KCNQ1: variants seen among roughly 807,000 people sequenced by gnomAD.
KCNQ1 encodes the protein potassium voltage-gated channel subfamily Q member 1.
In KCNQ1, 49 loss-of-function variants were observed where a neutral mutation model predicts 72.4. The observed-to-expected ratio is 0.68, with a 90% CI of 0.54 to 0.86. The LOEUF (loss-of-function observed/expected upper bound fraction) is 0.86. Among genes scored for constraint, KCNQ1 ranks in the 40% least tolerant of loss-of-function variants. The probability of loss-of-function intolerance (pLI) is 0.00; values close to 1 mark genes in which losing one functional copy is unlikely to be tolerated. For missense variants in KCNQ1, 790 were observed against 945.1 expected (o/e 0.84, Z 2.15); for synonymous variants, 450 against 412.6 (o/e 1.09, Z -1.10).
Position 2,481,347 on chromosome 11 carries a change from C to T in KCNQ1, c.386+35863C>T, listed in dbSNP as rs111755632. On this transcript the variant is annotated intron_variant, in intron 1 of 15. Transcript: ENST00000155840. This position sits in a 1 kb window ranked among gnomAD's most constrained non-coding sequence, Gnocchi z 4.6. ...TTTAGTTTCCTGCTAGTCTTTTTCT[C>T]GGCGTGTGTGTGTGCGCGCGTGCAT... Among the ~76,000 whole-genome samples, 2,813 of 152,224 alleles carry T rather than the reference C, an allele frequency of 0.018. 41 individuals carry two copies. Among genetic ancestry groups the T allele is most frequent in the South Asian group, 0.048 (231 of 4,820 alleles).
In KCNQ1 at chr11:2,547,433, C is replaced by T. The variant is rs1847914737; in HGVS notation, c.477+19415C>T. Among the ~76,000 whole-genome samples the T allele has an allele frequency of 1.3e-5, 2 of 152,074 alleles. No homozygotes were observed. Among genetic ancestry groups the T allele is most frequent in the African/African-American group, 4.8e-5 (2 of 41,402 alleles). ...ATTATTAGTAGAGACGGCGTTTCACCATTTTGGCCAGGCTGGTCTTGAACT... is the reference window on the plus strand; with the variant it reads ...ATTATTAGTAGAGACGGCGTTTCACTATTTTGGCCAGGCTGGTCTTGAACT... On this transcript the variant is annotated intron_variant, in intron 2 of 15. Transcript: ENST00000155840. The surrounding 1 kb of genome is among the most constrained non-coding windows in gnomAD (Gnocchi z 4.2).
intron 11 of KCNQ1, chr11:2,672,268 C>A (rs893153938): frequency 5.0e-6 from 2 of 398,654 alleles, no homozygotes; most frequent in South Asian, 2.5e-4. Context: ...TTTTGAACTG[C>A]CCCACGAACC....
chr11:2,784,360 G>C lies in KCNQ1; in HGVS notation c.1794+6323G>C, dbSNP rs1045375284. ...TCTGGATTTTCAATTCTATTATGTT[G>C]GTCTATATGCCTTTCTGTAAGTCTA... On this transcript the variant is annotated intron_variant, in intron 15 of 15. Transcript: ENST00000155840. This position sits in a 1 kb window ranked among gnomAD's most constrained non-coding sequence, Gnocchi z 4.7. Among the ~76,000 whole-genome samples the C allele has an allele frequency of 3.3e-5, 5 of 151,826 alleles. No individual in the cohort carries two copies. In the East Asian group the frequency reaches 7.7e-4, roughly 23 times the overall value.
intron 7 of KCNQ1, among the ~76,000 whole-genome samples, chr11:2,584,005 G>A (rs1030284249): frequency 4.6e-5 from 7 of 151,964 alleles, no homozygotes; most frequent in Non-Finnish European, 1.0e-4. Context: ...TGTGTGTTAT[G>A]TGCGTATGTG....
Position 2,612,748 on chromosome 11 carries a change from A to G in KCNQ1, c.1393+23894A>G, listed in dbSNP as rs1589981375. 5.0e-6 allele frequency: 2 copies of G among 398,450 alleles called. No individual in the cohort carries two copies. The highest frequency in any genetic ancestry group is 7.1e-5 in the East Asian group (2 of 28,060). 24.7% of individuals were successfully genotyped at this position (398,450 alleles called of 1,614,324 possible). ...TTGGGGCCCTTCAGAGATAATTCCT[A>G]TTTATTGCTCATTATTCTTGTTCAA... On this transcript the variant is annotated intron_variant, in intron 10 of 15. Coordinates refer to ENST00000155840, the MANE Select transcript of KCNQ1 (RefSeq NM_000218.3). This position sits in a 1 kb window ranked among gnomAD's most constrained non-coding sequence, Gnocchi z 5.5.
intron 10 of KCNQ1, chr11:2,614,193 T>C: frequency 2.5e-6 from 1 of 398,552 alleles, no homozygotes; most frequent in East Asian, 3.6e-5. Context: ...TCTCTGAGGG[T>C]GCCACCTCAA....
rs1850029123 is a variant in KCNQ1 at position 2,664,555 on chromosome 11, C to G, written c.1514+2474C>G. The G allele has an allele frequency of 2.5e-6, 1 of 398,546 alleles. No homozygotes were observed. Among genetic ancestry groups the G allele is most frequent in the Admixed American group, 4.4e-5 (1 of 22,722 alleles). The allele number at this position is 398,546 out of a possible 1,614,324, so 24.7% of individuals were successfully genotyped here. A position where few individuals can be genotyped will look rare whatever the true frequency, so the allele number is the denominator to read the frequency against. ...CCGCCTGGCGGCAGGGGTGTGGGGG[C>G]CGTGCAGGTCTTCTGCCCGCATTGG... On this transcript the variant is annotated intron_variant, in intron 11 of 15. Transcript: ENST00000155840. The surrounding 1 kb of genome is among the most constrained non-coding windows in gnomAD (Gnocchi z 5.1).
Position 2,677,785 on chromosome 11 carries a change from T to C in KCNQ1, c.1514+15704T>C, listed in dbSNP as rs575538784. 2.5e-5 allele frequency: 10 copies of C among 398,538 alleles called. No individual in the cohort carries two copies. The highest frequency in any genetic ancestry group is 4.4e-5 in the Non-Finnish European group (10 of 226,034). 24.7% of individuals were successfully genotyped at this position (398,538 alleles called of 1,614,324 possible). A position where few individuals can be genotyped will look rare whatever the true frequency, so the allele number is the denominator to read the frequency against. On this transcript the variant is annotated intron_variant, in intron 11 of 15. Coordinates refer to ENST00000155840, the MANE Select transcript of KCNQ1 (RefSeq NM_000218.3). This position sits in a 1 kb window ranked among gnomAD's most constrained non-coding sequence, Gnocchi z 4.5. ...TTAAGAGATCCTCCCTTTCCCCCCA[T>C]TTCCAGCAGGATTAAAATGTTCATT...
rs992989349 is a variant in KCNQ1, at chr11:2,482,949, A to G, written c.386+37465A>G. On this transcript the variant is annotated intron_variant, in intron 1 of 15. Coordinates refer to ENST00000155840, the MANE Select transcript of KCNQ1 (RefSeq NM_000218.3). The surrounding 1 kb of genome is among the most constrained non-coding windows in gnomAD (Gnocchi z 5.7). ...ATGGACCGGCATGGCGTGGTAATGC[A>G]TGGTGCGTGTCTCTTAGCAGTAAGA... is the stretch of plus-strand genomic sequence containing the variant. Among the ~76,000 whole-genome samples, 4 of 152,168 alleles carry G rather than the reference A, an allele frequency of 2.6e-5. No homozygotes were observed. The highest frequency in any genetic ancestry group is 7.2e-5 in the African/African-American group (3 of 41,430).
rs1180018163 is a variant in KCNQ1, at chr11:2,816,815, C to A, written c.1795-30952C>A. Among the ~76,000 whole-genome samples, 1 of 151,994 alleles carries A rather than the reference C, an allele frequency of 6.6e-6. No homozygotes were observed. On this transcript the variant is annotated intron_variant, in intron 15 of 15. Coordinates refer to ENST00000155840, the MANE Select transcript of KCNQ1 (RefSeq NM_000218.3). The surrounding 1 kb of genome is among the most constrained non-coding windows in gnomAD (Gnocchi z 6.8). ...GAGGCCTTCCCTGAGCCCCTGCCCC[C>A]TCCATTTCAGACATCTCCATCTGAT...
chr11:2,629,165 C>T (rs1404239959), intron 10 of KCNQ1: 2 of 398,130 alleles, frequency 5.0e-6, no homozygotes, highest in Non-Finnish European at 8.9e-6. Flanking sequence ...TGCCTTGAAT[C>T]TGTAGATCAC....
chr11:2,528,067 C>T, intron 2 of KCNQ1, 49 bp downstream of exon 2: 1 of 1,483,674 alleles, frequency 6.7e-7, no homozygotes, highest in Non-Finnish European at 9.4e-7. Context: ...GCCTTGGAAG[C>T]TGGCATCTCC....
Position 2,828,836 on chromosome 11 carries a change from A to G in KCNQ1, c.1795-18931A>G, listed in dbSNP as rs2134065462. ...CCCGGTGGGGCACACCATTGTTTTCAGAACACCAGCAATAAAGCAGACACT... is the reference window on the plus strand; with the variant it reads ...CCCGGTGGGGCACACCATTGTTTTCGGAACACCAGCAATAAAGCAGACACT... On this transcript the variant is annotated intron_variant, in intron 15 of 15. Coordinates refer to ENST00000155840, the MANE Select transcript of KCNQ1 (RefSeq NM_000218.3). The surrounding 1 kb of genome is among the most constrained non-coding windows in gnomAD (Gnocchi z 5.3). Among the ~76,000 whole-genome samples the G allele has an allele frequency of 6.6e-6, 1 of 152,392 alleles. No homozygotes were observed. Among genetic ancestry groups the G allele is most frequent in the East Asian group, 1.9e-4 (1 of 5,192 alleles).
At chr11:2,474,827 G>C (rs5028646) in intron 1 of KCNQ1, among the ~76,000 whole-genome samples, 121,773 of 151,758 alleles carry the variant, frequency 0.8, 48,956 homozygotes, top group African/African-American at 0.86. Context: ...GTGTGGTGGT[G>C]CTCACGGTGG....
intron 1 of KCNQ1, among the ~76,000 whole-genome samples, chr11:2,470,209 T>G (rs1042409489): frequency 6.6e-6 from 1 of 152,164 alleles, no homozygotes; most frequent in African/African-American, 2.4e-5. Context: ...CCTCAAATCA[T>G]CGAGGTTTAT....
At chr11:2,844,527 C>T (rs1458057895) in intron 15 of KCNQ1, among the ~76,000 whole-genome samples, 3 of 152,220 alleles carry the variant, frequency 2.0e-5, no homozygotes, top group Non-Finnish European at 4.4e-5. Flanking sequence ...CCGTCGGAGG[C>T]AAGCTCGGCC....
rs570944332 is a variant in KCNQ1 at position 2,588,271 on chromosome 11, G to A, written c.1252-442G>A. Among the ~76,000 whole-genome samples the A allele has an allele frequency of 2.0e-4, 30 of 152,204 alleles. No individual in the cohort carries two copies. Among genetic ancestry groups the A allele is most frequent in the Middle Eastern group, 3.4e-3 (1 of 294 alleles). ...CTGGCCTTCCCAGTTTCCAGCTGCC[G>A]GTGGAGCCTCCGTGCCTACTGTTCC... On this transcript the variant is annotated intron_variant, in intron 9 of 15. Transcript: ENST00000155840. The surrounding 1 kb of genome is among the most constrained non-coding windows in gnomAD (Gnocchi z 5.6).
At position 2,572,669 on chromosome 11, in the gene KCNQ1, G is replaced by A. The variant is rs180715480; in HGVS notation, c.781-177G>A. ...CTCATTCTGGGGGTAACCCCCACCC[G>A]CCACTTACCGGAGTTGTGAGGAGTG... On this transcript the variant is annotated intron_variant, in intron 5 of 15. Transcript: ENST00000155840. Among the ~76,000 whole-genome samples the A allele has an allele frequency of 7.7e-3, 1,167 of 152,332 alleles. 11 individuals are homozygous for A. Among genetic ancestry groups the A allele is most frequent in the African/African-American group, 0.026 (1,083 of 41,572 alleles).
chr11:2,843,347 C>T (rs1027373626), intron 15 of KCNQ1, among the ~76,000 whole-genome samples: 1 of 152,218 alleles, frequency 6.6e-6, no homozygotes, highest in Non-Finnish European at 1.5e-5. Context: ...TTCTAGGTAC[C>T]GCCCTGAGAG....
Sources: allele counts gnomAD v4.1 joint callset (sites outside exome capture counted in the v4.1 genomes callset), GRCh38; gene constraint gnomAD v4.1.1; non-coding constraint Gnocchi (gnomAD v3.1); transcripts MANE v1.5; gene names NCBI Gene and HGNC (gene_info 2026-07-23, HGNC 2026-07-21).